The following SLC8A1 variants were observed in gnomAD, a reference collection of about 807,000 sequenced individuals.
SLC8A1 encodes sodium/calcium exchanger 1.
Under a neutral mutation model 68.3 loss-of-function variants are expected in SLC8A1, and 18 were observed. The ratio of observed to expected loss-of-function variants is 0.26; its 90% confidence interval spans 0.18 to 0.39. The LOEUF is 0.39. Ranked by LOEUF, SLC8A1 falls within the 10% of genes least tolerant of loss-of-function variation. The probability of loss-of-function intolerance (pLI) is 1.00; values close to 1 mark genes in which losing one functional copy is unlikely to be tolerated. For missense variants in SLC8A1, 985 were observed against 1,156.7 expected, an observed-to-expected ratio of 0.85 and a Z score of 2.15; for synonymous variants, 475 against 415.5, an observed-to-expected ratio of 1.14 and a Z score of -1.74.
chr2:40,411,179 TAAG>T (rs1411063055), intron 2 of SLC8A1, among the ~76,000 whole-genome samples: 1 of 152,092 alleles, frequency 6.6e-6, no homozygotes, highest in Non-Finnish European at 1.5e-5. Context: ...AAGGGCATTT[TAAG>T]AAGAGTTTTG....
intron 2 of SLC8A1, among the ~76,000 whole-genome samples, chr2:40,219,481 T>C (rs1425129771): frequency 6.6e-6 from 1 of 152,182 alleles, no homozygotes; most frequent in Non-Finnish European, 1.5e-5. Flanking sequence ...ACATTAGATA[T>C]TTTGTGCCCA....
intron 2 of SLC8A1, chr2:40,208,456 C>G (rs1386513416): frequency 2.6e-5 from 4 of 152,120 alleles, no homozygotes; most frequent in African/African-American, 9.7e-5. Flanking sequence ...TTTCAGGTAT[C>G]ACTGGGCAGG....
intron 1 of SLC8A1, among the ~76,000 whole-genome samples, chr2:40,496,581 T>A (rs904417595): frequency 1.1e-4 from 16 of 152,116 alleles, no homozygotes; most frequent in African/African-American, 3.9e-4. Flanking sequence ...ACAAGCAGGG[T>A]ATTCAATTAA....
At chr2:40,464,841 T>A (rs540401018) in intron 1 of SLC8A1, among the ~76,000 whole-genome samples, 1 of 152,208 alleles carries the variant, frequency 6.6e-6, no homozygotes, top group Non-Finnish European at 1.5e-5. Flanking sequence ...AGATGCTGAG[T>A]AAAGAGTCCA....
chr2:40,313,865 A>G (rs1310631655), intron 2 of SLC8A1, among the ~76,000 whole-genome samples: 1 of 152,056 alleles, frequency 6.6e-6, no homozygotes, highest in African/African-American at 2.4e-5. Context: ...ATATTTGACC[A>G]ATTTTTTGCT....
intron 7 of SLC8A1, among the ~76,000 whole-genome samples, chr2:40,133,400 G>GAA: frequency 6.7e-6 from 1 of 150,180 alleles, no homozygotes; most frequent in African/African-American, 2.5e-5. Flanking sequence ...TTGGGGGGGG[G>GAA]GGGGGTGGAA....
At chr2:40,201,998 G>C (rs943807936) in intron 2 of SLC8A1, among the ~76,000 whole-genome samples, 1 of 151,992 alleles carries the variant, frequency 6.6e-6, no homozygotes, top group African/African-American at 2.4e-5. Flanking sequence ...ATGTGTATAT[G>C]CATGCATGCT....
At chr2:40,426,804 T>C (rs1331113789) in intron 2 of SLC8A1, among the ~76,000 whole-genome samples, 2 of 151,996 alleles carry the variant, frequency 1.3e-5, no homozygotes, top group Non-Finnish European at 2.9e-5. Context: ...AAGTGCTATC[T>C]ACTACAGAAG....
intron 2 of SLC8A1, among the ~76,000 whole-genome samples, chr2:40,207,402 G>GGAT (rs2055661274): frequency 6.6e-6 from 1 of 151,856 alleles, no homozygotes; most frequent in Admixed American, 6.6e-5. Flanking sequence ...GCAATATATT[G>GGAT]GATGGTCTTA....
chr2:40,472,527 G>C (rs572502312), intron 1 of SLC8A1, among the ~76,000 whole-genome samples: 3 of 152,186 alleles, frequency 2.0e-5, no homozygotes, highest in Non-Finnish European at 1.5e-5. Context: ...TAAGATCTTT[G>C]GTTAAAAAAT....
chr2:40,398,794 A>G (rs1687801503), intron 2 of SLC8A1, among the ~76,000 whole-genome samples: 2 of 152,190 alleles, frequency 1.3e-5, no homozygotes, highest in African/African-American at 4.8e-5. Context: ...AAACTATGCT[A>G]GGATGACAGT....
chr2:40,330,162 C>T (rs2076269710), intron 2 of SLC8A1, among the ~76,000 whole-genome samples: 1 of 152,130 alleles, frequency 6.6e-6, no homozygotes, highest in Non-Finnish European at 1.5e-5. Flanking sequence ...AATGGTTATT[C>T]CCAAGACCCG....
rs138757187 is a variant in SLC8A1, at chr2:40,467,381, T to C, written c.-24-37077A>G. Among the ~76,000 whole-genome samples the C allele has an allele frequency of 3.7e-4, 57 of 152,246 alleles. No individual in the cohort carries two copies. In the East Asian group the frequency reaches 0.011, roughly 29 times the overall value. On this transcript the variant is annotated intron_variant, in intron 1 of 7. Transcript: ENST00000402441. ...ATTTGCCCCATAAAGCACTACCCTA[T>C]AGAGCTACTTCTGATGGGGGTGGGG...
chr2:40,402,157 T>C (rs1054949592), intron 2 of SLC8A1, among the ~76,000 whole-genome samples: 1 of 152,158 alleles, frequency 6.6e-6, no homozygotes, highest in Non-Finnish European at 1.5e-5. Context: ...AAAACCAAGA[T>C]GGTGGCGAAA....
At chr2:40,306,437 A>G (rs2072610441) in intron 2 of SLC8A1, among the ~76,000 whole-genome samples, 1 of 142,028 alleles carries the variant, frequency 7.0e-6, no homozygotes, top group African/African-American at 2.7e-5. Context: ...GGATAAATAA[A>G]AAAAGGAATG....
At chr2:40,162,337 A>C (rs943948149) in intron 5 of SLC8A1, among the ~76,000 whole-genome samples, 15 of 152,220 alleles carry the variant, frequency 9.9e-5, no homozygotes, top group African/African-American at 3.6e-4. Context: ...TGTAGAATGT[A>C]ATAAGAAATG....
chr2:40,439,049 C>T (rs1700007428), intron 1 of SLC8A1, among the ~76,000 whole-genome samples: 2 of 151,992 alleles, frequency 1.3e-5, no homozygotes, highest in Non-Finnish European at 2.9e-5. Flanking sequence ...ACTGGGTCTC[C>T]AGGCAGGATC....
intron 2 of SLC8A1, among the ~76,000 whole-genome samples, chr2:40,339,154 T>C (rs1270224199): frequency 6.6e-6 from 1 of 152,226 alleles, no homozygotes; most frequent in Non-Finnish European, 1.5e-5. Context: ...TCTTCTCTCA[T>C]GTTTCTTTTA....
intron 2 of SLC8A1, among the ~76,000 whole-genome samples, chr2:40,321,885 A>C (rs927475457): frequency 1.5e-4 from 23 of 152,098 alleles, no homozygotes; most frequent in African/African-American, 5.6e-4. Context: ...TATGTAAAGT[A>C]TTTTCCACTC....
Sources: allele counts gnomAD v4.1 joint callset (sites outside exome capture counted in the v4.1 genomes callset), GRCh38; gene constraint gnomAD v4.1.1; transcripts MANE v1.5; gene names NCBI Gene and HGNC (gene_info 2026-07-23, HGNC 2026-07-21).